The following MEIS2 variants were observed in gnomAD, a reference collection of about 807,000 sequenced individuals.
MEIS2 encodes homeobox protein Meis2.
A neutral mutation model predicts 58.6 loss-of-function variants in MEIS2; 9 were observed. The ratio of observed to expected loss-of-function variants is 0.15; its 90% confidence interval spans 0.09 to 0.27. The LOEUF is 0.27. Ranked by LOEUF, MEIS2 falls within the 10% of genes least tolerant of loss-of-function variation. The probability of loss-of-function intolerance (pLI) is 1.00; values close to 1 mark genes in which losing one functional copy is unlikely to be tolerated. For missense variants in MEIS2, 427 were observed against 635.0 expected (o/e 0.67, Z 3.52); for synonymous variants, 221 against 228.4 (o/e 0.97, Z 0.29).
intron 1 of MEIS2, 200 bp from the exon 2 acceptor site, chr15:37,098,399 A>AGT (rs1487210993): frequency 1.3e-5 from 16 of 1,206,808 alleles, no homozygotes; most frequent in Non-Finnish European, 2.1e-6. Flanking sequence ...AGAGAGAGAG[A>AGT]GAGAGAGAGA....
intron 9 of MEIS2, among the ~76,000 whole-genome samples, chr15:36,938,398 G>C (rs990939281): frequency 1.3e-5 from 2 of 152,106 alleles, no homozygotes; most frequent in Admixed American, 6.5e-5. Context: ...GCCCCACTCA[G>C]ATCTGCTGTC....
intron 8 of MEIS2, among the ~76,000 whole-genome samples, chr15:37,029,294 C>G (rs2061823182): frequency 6.6e-6 from 1 of 152,152 alleles, no homozygotes; most frequent in Non-Finnish European, 1.5e-5. Flanking sequence ...TGCATGTGAA[C>G]ATTTGCAGCT....
chr15:37,054,014 C>T (rs2063032475), intron 7 of MEIS2, among the ~76,000 whole-genome samples: 1 of 152,114 alleles, frequency 6.6e-6, no homozygotes, highest in South Asian at 2.1e-4. Flanking sequence ...CGAGTGAGGT[C>T]AAAGTTTTCC....
intron 7 of MEIS2, among the ~76,000 whole-genome samples, chr15:37,040,704 T>C (rs2062386055): frequency 6.6e-6 from 1 of 152,154 alleles, no homozygotes; most frequent in Non-Finnish European, 1.5e-5. Context: ...ATACTCAAAA[T>C]AAATGTGCAT....
chr15:37,057,853 T>C (rs1350685369), intron 7 of MEIS2, among the ~76,000 whole-genome samples: 1 of 152,102 alleles, frequency 6.6e-6, no homozygotes, highest in African/African-American at 2.4e-5. Flanking sequence ...TATCCTGTGC[T>C]GGTCAGGTGG....
chr15:37,077,768 A>G (rs1891607378), intron 7 of MEIS2, among the ~76,000 whole-genome samples: 1 of 151,942 alleles, frequency 6.6e-6, no homozygotes, highest in African/African-American at 2.4e-5. Context: ...GTCCTGGGTC[A>G]TGTTTTTTAA....
chr15:36,935,207 G>T (rs903700298), intron 9 of MEIS2, among the ~76,000 whole-genome samples: 1 of 149,406 alleles, frequency 6.7e-6, no homozygotes, highest in Non-Finnish European at 1.5e-5. Flanking sequence ...TTTTTTTAGC[G>T]GAGGAGAAAT....
At chr15:37,000,916 T>C (rs2060703219) in intron 8 of MEIS2, among the ~76,000 whole-genome samples, 1 of 152,062 alleles carries the variant, frequency 6.6e-6, no homozygotes, top group Non-Finnish European at 1.5e-5. Context: ...GACCCCCCAC[T>C]CTGTCCTTCC....
intron 7 of MEIS2, among the ~76,000 whole-genome samples, chr15:37,053,789 A>G (rs2063023304): frequency 6.6e-6 from 1 of 152,244 alleles, no homozygotes; most frequent in African/African-American, 2.4e-5. Context: ...TGAAGTTGAT[A>G]TCCTCTATAC....
chr15:36,969,575 T>C (rs754496775), intron 8 of MEIS2, among the ~76,000 whole-genome samples: 13 of 152,204 alleles, frequency 8.5e-5, no homozygotes, highest in Admixed American at 2.0e-4. Flanking sequence ...AAATTTGAAA[T>C]AAATAATATT....
intron 9 of MEIS2, among the ~76,000 whole-genome samples, chr15:36,923,764 G>A (rs548719484): frequency 2.0e-5 from 3 of 152,262 alleles, no homozygotes; most frequent in Non-Finnish European, 2.9e-5. Flanking sequence ...CCTCCCATGC[G>A]TTCTAGAGGC....
intron 7 of MEIS2, among the ~76,000 whole-genome samples, chr15:37,080,980 G>C (rs1892132138): frequency 6.6e-6 from 1 of 152,094 alleles, no homozygotes; most frequent in Non-Finnish European, 1.5e-5. Flanking sequence ...AACTGTAGCT[G>C]TTTCACTATC....
intron 8 of MEIS2, among the ~76,000 whole-genome samples, chr15:36,984,133 T>C (rs1216697984): frequency 4.6e-5 from 7 of 152,148 alleles, no homozygotes; most frequent in African/African-American, 9.6e-5. Flanking sequence ...GAATCTCTTT[T>C]ATTTCTTTTT....
At position 37,013,444 on chromosome 15, in the gene MEIS2, C is replaced by T. The variant is rs574636527; in HGVS notation, c.900+23370G>A. 1.0e-3 allele frequency among the ~76,000 whole-genome samples: 154 copies of T among 151,610 alleles called. 1 individual carries two copies. The highest frequency in any genetic ancestry group is 3.4e-3 in the Middle Eastern group (1 of 294). The stretch of plus-strand genomic sequence containing the variant: ...AAAATTAGCTGGGCATGGTGGTGGG[C>T]GCCTGTAATCCCAGCTACTCCAGAG... On this transcript the variant is annotated intron_variant, in intron 8 of 11. Coordinates refer to ENST00000561208, the MANE Select transcript of MEIS2 (RefSeq NM_170675.5).
intron 10 of MEIS2, 111 bp downstream of exon 10, chr15:36,896,517 C>A: frequency 3.7e-6 from 3 of 811,692 alleles, no homozygotes; most frequent in South Asian, 2.6e-5. Flanking sequence ...AAAAAAAAAT[C>A]CAGAATGCCT....
intron 10 of MEIS2, 172 bp from the exon 11 acceptor site, chr15:36,895,433 T>C (rs767465421): frequency 1.2e-4 from 68 of 591,114 alleles, no homozygotes; most frequent in Non-Finnish European, 1.7e-4. Flanking sequence ...GGTGTGTGAG[T>C]AGCTTTAAAA....
At position 36,890,772 on chromosome 15, in the gene MEIS2, G is replaced by A. The variant is rs190403072; in HGVS notation, c.*1401C>T. 6.6e-6 allele frequency: 1 copy of A among 152,144 alleles called. No homozygotes were observed. Among genetic ancestry groups the A allele is most frequent in the Non-Finnish European group, 1.5e-5 (1 of 68,020 alleles). The allele number at this position is 152,144 out of a possible 1,614,324, so 9.4% of individuals were successfully genotyped here. A position where few individuals can be genotyped will look rare whatever the true frequency, so the allele number is the denominator to read the frequency against. On this transcript the variant is annotated 3_prime_UTR_variant, in exon 12 of 12. Transcript: ENST00000561208. ...TTTTTAACGTCATGCATCTAAAAAG[G>A]AGGTTGAGCATGTTCAAGGGGATCT...
At position 36,895,236 on chromosome 15, in the gene MEIS2, G is replaced by A. The variant is rs1453234576; in HGVS notation, c.1062C>T (p.Ser354=). 1.2e-6 allele frequency: 2 copies of A among 1,614,114 alleles called. No homozygotes were observed. The highest frequency in any genetic ancestry group is 1.7e-5 in the Admixed American group (1 of 60,024). ...RAGFLLDPSV[S]QGAAYSPEGQ... The stretch of plus-strand genomic sequence containing the variant: ...CCTCTGGACTATATGCTGCTCCTTG[G>A]CTCACTGAAGGATCAAGAAGAAAAC... The change falls in exon 11 of 12, where the codon AGC becomes AGT. Residue 354 remains serine, a synonymous_variant. Transcript: ENST00000561208.
chr15:36,995,706 T>TAAAAACAAAAACAAAAAAAAAAA (rs2060453419), intron 8 of MEIS2, among the ~76,000 whole-genome samples: 1 of 4,122 alleles, frequency 2.4e-4, no homozygotes, highest in African/African-American at 1.1e-3. Context: ...TTACAGCTAC[T>TAAAAACAAAAACAAAAAAAAAAA]AAAAAAAAAA....
Sources: gnomAD v4.1 joint callset for allele counts (sites outside exome capture counted in the v4.1 genomes callset) on GRCh38, gnomAD v4.1.1 for gene constraint, MANE v1.5 for transcripts, NCBI Gene and HGNC (gene_info 2026-07-23, HGNC 2026-07-21) for gene names.